Variants in TP63 observed in about 807,000 individuals in gnomAD.
TP63 encodes the protein tumor protein 63.
A neutral mutation model predicts 82.8 loss-of-function variants in TP63; 17 were observed. That is an observed-to-expected ratio of 0.21 (90% confidence interval 0.14 to 0.31). TP63 has a LOEUF of 0.31. Ranked by LOEUF, TP63 falls within the 10% of genes least tolerant of loss-of-function variation. The pLI is 1.00. For synonymous variants in TP63, 330 were observed against 321.7 expected, an observed-to-expected ratio of 1.03 and a Z score of -0.28; for missense variants, 648 against 895.3, an observed-to-expected ratio of 0.72 and a Z score of 3.52.
chr3:189,749,852 G>A (rs7614997), intron 3 of TP63, among the ~76,000 whole-genome samples: 80,099 of 151,972 alleles, frequency 0.53, 21,588 homozygotes, highest in African/African-American at 0.64. Flanking sequence ...GGCCAGGTGC[G>A]GTGGCTCACA....
chr3:189,854,838 T>G (rs1389541532), intron 4 of TP63, among the ~76,000 whole-genome samples: 2 of 152,186 alleles, frequency 1.3e-5, no homozygotes, highest in African/African-American at 4.8e-5. Context: ...AAGAAATATT[T>G]AGAAGATTAC....
At chr3:189,852,119 A>T (rs765923979) in intron 4 of TP63, among the ~76,000 whole-genome samples, 4 of 152,204 alleles carry the variant, frequency 2.6e-5, no homozygotes, top group African/African-American at 9.7e-5. Flanking sequence ...GAGGAGGCAG[A>T]ATTTAAATAG....
intron 1 of TP63, among the ~76,000 whole-genome samples, chr3:189,691,096 C>G (rs920092301): frequency 6.6e-6 from 1 of 151,922 alleles, no homozygotes; most frequent in Non-Finnish European, 1.5e-5. Context: ...CAGCACTTTG[C>G]AAAGGCTGAG....
intron 13 of TP63, among the ~76,000 whole-genome samples, chr3:189,891,859 A>G (rs16864895): frequency 0.017 from 2,571 of 152,262 alleles, 77 homozygotes; most frequent in African/African-American, 0.058. Context: ...GGAAGAAGAC[A>G]GTCTCTGCCT....
chr3:189,686,082 G>A (rs1716410798), intron 1 of TP63, among the ~76,000 whole-genome samples: 1 of 152,098 alleles, frequency 6.6e-6, no homozygotes, highest in South Asian at 2.1e-4. Context: ...TCTCCAAATT[G>A]TTTGATTATG....
intron 3 of TP63, among the ~76,000 whole-genome samples, chr3:189,793,511 C>A (rs1388416811): frequency 6.6e-6 from 1 of 152,012 alleles, no homozygotes; most frequent in Non-Finnish European, 1.5e-5. Context: ...TATCTAATGT[C>A]ATGAGATTTT....
At chr3:189,881,834 G>A (rs576063046) in intron 10 of TP63, among the ~76,000 whole-genome samples, 26 of 152,048 alleles carry the variant, frequency 1.7e-4, no homozygotes, top group Admixed American at 6.6e-4. Flanking sequence ...ATGTTAATTC[G>A]CCAAATTTAC....
chr3:189,735,503 A>C (rs1236353076), intron 1 of TP63, among the ~76,000 whole-genome samples: 1 of 152,194 alleles, frequency 6.6e-6, no homozygotes, highest in Admixed American at 6.5e-5. Context: ...CACACGGTTC[A>C]ATCAAGCTGG....
chr3:189,717,706 G>A lies in TP63; in HGVS notation c.63-20034G>A, dbSNP rs572795337. 1.8e-4 allele frequency among the ~76,000 whole-genome samples: 27 copies of A among 152,244 alleles called. No homozygotes were observed. The South Asian group carries it at 5.4e-3, about 30-fold the overall frequency. ...CTGCTTAATGCTTCTGCAAAATCTGGGAATTAGGCTTGAGGATATCTCTTC... is the reference window on the plus strand; with the variant it reads ...CTGCTTAATGCTTCTGCAAAATCTGAGAATTAGGCTTGAGGATATCTCTTC... On this transcript the variant is annotated intron_variant, in intron 1 of 13. Coordinates refer to ENST00000264731, the MANE Select transcript of TP63 (RefSeq NM_003722.5).
At chr3:189,719,379 T>A (rs1178207515) in intron 1 of TP63, among the ~76,000 whole-genome samples, 1 of 152,206 alleles carries the variant, frequency 6.6e-6, no homozygotes, top group East Asian at 1.9e-4. Flanking sequence ...CTTGATTATG[T>A]GCCCATATTC....
At chr3:189,622,942 ATTCTGAT>A in the TP63 span, among the ~76,000 whole-genome samples, 1 of 152,176 alleles carries the variant, frequency 6.6e-6, no homozygotes, top group Admixed American at 6.6e-5. Flanking sequence ...TTTTTAAGTC[ATTCTGAT>A]TTCTAAGATT....
chr3:189,814,121 G>A (rs568612980), intron 4 of TP63, among the ~76,000 whole-genome samples: 9 of 152,290 alleles, frequency 5.9e-5, no homozygotes, highest in Non-Finnish European at 1.2e-4. Context: ...GCTGAGATGC[G>A]CGCCTGCGGC....
chr3:189,706,669 C>T (rs1718225911), intron 1 of TP63, among the ~76,000 whole-genome samples: 1 of 152,140 alleles, frequency 6.6e-6, no homozygotes, highest in Non-Finnish European at 1.5e-5. Context: ...AACTTTTTTT[C>T]CAACCAGTAC....
intron 4 of TP63, 143 bp downstream of exon 4, chr3:189,808,669 C>CAG (rs1259841060): frequency 1.3e-6 from 2 of 1,484,488 alleles, no homozygotes; most frequent in African/African-American, 1.4e-5. Flanking sequence ...AATACTGAAC[C>CAG]AGAGAGAGAG....
At chr3:189,602,165 C>T in the TP63 span, among the ~76,000 whole-genome samples, 62 of 152,086 alleles carry the variant, frequency 4.1e-4, no homozygotes, top group Non-Finnish European at 7.6e-4. Flanking sequence ...TCAGACGCTT[C>T]ACAGAAAAAG....
chr3:189,704,145 A>G (rs1718027830), intron 1 of TP63, among the ~76,000 whole-genome samples: 1 of 152,234 alleles, frequency 6.6e-6, no homozygotes, highest in African/African-American at 2.4e-5. Flanking sequence ...AGGCTAGATG[A>G]TAAGAGCTAC....
intron 1 of TP63, among the ~76,000 whole-genome samples, chr3:189,732,540 C>T (rs12635580): frequency 0.028 from 4,207 of 152,310 alleles, 122 homozygotes; most frequent in East Asian, 0.14. Context: ...AACGATGTAG[C>T]GCGTTTTGTG....
intron 4 of TP63, among the ~76,000 whole-genome samples, chr3:189,851,081 T>A (rs1472624675): frequency 2.6e-5 from 4 of 152,246 alleles, no homozygotes; most frequent in Admixed American, 6.5e-5. Flanking sequence ...TATACATGAC[T>A]TTTATTTTGA....
chr3:189,789,895 T>G, intron 3 of TP63: 1 of 1,482,478 alleles, frequency 6.7e-7, no homozygotes, highest in Non-Finnish European at 9.0e-7. Flanking sequence ...TAATTTTTAT[T>G]TTTGTAAAAA....
Sources: allele counts gnomAD v4.1 joint callset (sites outside exome capture counted in the v4.1 genomes callset), GRCh38; gene constraint gnomAD v4.1.1; transcripts MANE v1.5; gene names NCBI Gene and HGNC (gene_info 2026-07-23, HGNC 2026-07-21).